Variants in GRIN2B observed in about 807,000 individuals in gnomAD.
The protein encoded by GRIN2B is glutamate receptor ionotropic, NMDA 2B.
GRIN2B carries 5 observed loss-of-function variants against 114.5 expected under a neutral mutation model. The ratio of observed to expected loss-of-function variants is 0.04; its 90% CI spans 0.02 to 0.09. The LOEUF (loss-of-function observed/expected upper bound fraction) is 0.09, where lower values mean the gene tolerates loss of function less well. GRIN2B is among the 10% of genes least tolerant of loss of function. The probability of loss-of-function intolerance (pLI) is 1.00; values close to 1 mark genes in which losing one functional copy is unlikely to be tolerated. For synonymous variants in GRIN2B, 787 were observed against 745.1 expected (o/e 1.06, Z -0.92); for missense variants, 1,108 against 1,943.5 (o/e 0.57, Z 8.08).
intron 2 of GRIN2B, among the ~76,000 whole-genome samples, chr12:13,960,805 T>C (rs984697197): frequency 6.6e-6 from 1 of 152,124 alleles, no homozygotes; most frequent in Non-Finnish European, 1.5e-5. Context: ...CAAAGGCAGT[T>C]GTAGCTGTAA....
chr12:13,571,212 A>G (rs1055230828), intron 11 of GRIN2B, among the ~76,000 whole-genome samples: 31 of 152,170 alleles, frequency 2.0e-4, no homozygotes, highest in Admixed American at 6.5e-5. Context: ...GTTATCCATT[A>G]TCTTCCATAG....
At chr12:13,961,492 C>T (rs1393836023) in intron 2 of GRIN2B, among the ~76,000 whole-genome samples, 1 of 151,996 alleles carries the variant, frequency 6.6e-6, no homozygotes, top group Non-Finnish European at 1.5e-5. Flanking sequence ...TCCATAAATC[C>T]AACATATTAA....
intron 3 of GRIN2B, among the ~76,000 whole-genome samples, chr12:13,770,760 C>A (rs1247186966): frequency 6.6e-6 from 1 of 152,122 alleles, no homozygotes; most frequent in Non-Finnish European, 1.5e-5. Context: ...GAGTGAGAAG[C>A]TGGAAGCCAT....
intron 5 of GRIN2B, among the ~76,000 whole-genome samples, chr12:13,636,703 G>A (rs1263938755): frequency 6.6e-6 from 1 of 152,142 alleles, no homozygotes; most frequent in African/African-American, 2.4e-5. Flanking sequence ...GACAGATCCT[G>A]GGCAGAACAG....
At chr12:13,575,386 CAGTGGCTCACGCCT>C (rs1476076898) in intron 10 of GRIN2B, among the ~76,000 whole-genome samples, 4 of 152,210 alleles carry the variant, frequency 2.6e-5, no homozygotes, top group East Asian at 3.9e-4. Context: ...GGGCCGGGTG[CAGTGGCTCACGCCT>C]GTAATCCCAG....
chr12:13,959,512 CG>C (rs1867653678), intron 2 of GRIN2B, among the ~76,000 whole-genome samples: 1 of 151,980 alleles, frequency 6.6e-6, no homozygotes, highest in African/African-American at 2.4e-5. Flanking sequence ...GAGGTCCAGG[CG>C]GGGGATGCCA....
intron 4 of GRIN2B, among the ~76,000 whole-genome samples, chr12:13,734,970 G>A (rs2136608765): frequency 6.6e-6 from 1 of 152,332 alleles, no homozygotes; most frequent in Non-Finnish European, 1.5e-5. Context: ...ATCACAAGCA[G>A]TGTATGTTGG....
In GRIN2B at chr12:13,678,682, G is replaced by A. The variant is rs540951018; in HGVS notation, c.1011-2823C>T. On this transcript the variant is annotated intron_variant, in intron 4 of 13. Transcript: ENST00000609686. ...TGTTCCTCAGCTCTCAGCCCAGAGC[G>A]GCTCACCCAAGCCCATCATTAGTGT... 2.0e-4 allele frequency among the ~76,000 whole-genome samples: 30 copies of A among 152,118 alleles called. No individual in the cohort carries two copies. In the East Asian group the frequency reaches 3.1e-3, roughly 16 times the overall value.
rs1863535198 is a variant in GRIN2B, at chr12:13,753,968, A to G, written c.412-53T>C. 5.1e-6 allele frequency: 6 copies of G among 1,165,210 alleles called. No individual in the cohort carries two copies. Among genetic ancestry groups the G allele is most frequent in the Non-Finnish European group, 6.4e-6 (5 of 776,812 alleles). 72.2% of individuals were successfully genotyped at this position (1,165,210 alleles called of 1,614,324 possible). A position where few individuals can be genotyped will look rare whatever the true frequency, so the allele number is the denominator to read the frequency against. ...AAGAGAGAAAAAAATCAAACCAAAG[A>G]TGGTAATGGAGATTTTGAACCAAGT... On this transcript the variant is annotated intron_variant, in intron 3 of 13. Transcript: ENST00000609686. The surrounding 1 kb of genome is among the most constrained non-coding windows in gnomAD (Gnocchi z 6.2).
chr12:13,854,401 G>A (rs2136731985), intron 3 of GRIN2B, among the ~76,000 whole-genome samples: 2 of 152,144 alleles, frequency 1.3e-5, no homozygotes, highest in Admixed American at 1.3e-4. Flanking sequence ...TCCCAGCTAT[G>A]AGGGAGGCTG....
At chr12:13,910,881 C>T (rs1438988406) in intron 2 of GRIN2B, among the ~76,000 whole-genome samples, 1 of 152,148 alleles carries the variant, frequency 6.6e-6, no homozygotes, top group Non-Finnish European at 1.5e-5. Context: ...TTCAAGGTTT[C>T]CAAATCTGTC....
chr12:13,961,723 G>C (rs12829455), intron 2 of GRIN2B, among the ~76,000 whole-genome samples: 2 of 151,890 alleles, frequency 1.3e-5, no homozygotes, highest in East Asian at 3.9e-4. Context: ...TTAGAGGGTT[G>C]AGAGCATTTA....
intron 10 of GRIN2B, among the ~76,000 whole-genome samples, chr12:13,579,603 C>T (rs1444367126): frequency 3.3e-5 from 5 of 152,188 alleles, no homozygotes; most frequent in Admixed American, 2.0e-4. Flanking sequence ...TCTTCATCAT[C>T]GCCATTGGAA....
intron 10 of GRIN2B, among the ~76,000 whole-genome samples, chr12:13,586,115 C>T (rs1948921260): frequency 6.6e-6 from 1 of 152,204 alleles, no homozygotes; most frequent in Non-Finnish European, 1.5e-5. Context: ...AAAAAACTTA[C>T]TTTCAACCCT....
At chr12:13,652,997 T>C (rs568317160) in intron 5 of GRIN2B, among the ~76,000 whole-genome samples, 1 of 152,238 alleles carries the variant, frequency 6.6e-6, no homozygotes, top group Admixed American at 6.5e-5. Context: ...TGAATAATTT[T>C]ATGTTTTAGG....
chr12:13,753,199 A>T lies in GRIN2B; in HGVS notation c.1010+118T>A, dbSNP rs992771595. 3.8e-6 allele frequency: 3 copies of T among 791,646 alleles called. No homozygotes were observed. The highest frequency in any genetic ancestry group is 4.6e-6 in the Non-Finnish European group (2 of 438,576). 49.0% of individuals were successfully genotyped at this position (791,646 alleles called of 1,614,324 possible). ...ATGACCAATTGCCATGCCCAAGGCCAGGCTTCAACCTGCTACCGTCTTGAA... is the reference window on the plus strand; with the variant it reads ...ATGACCAATTGCCATGCCCAAGGCCTGGCTTCAACCTGCTACCGTCTTGAA... On this transcript the variant is annotated intron_variant, in intron 4 of 13. Transcript: ENST00000609686. This position sits in a 1 kb window ranked among gnomAD's most constrained non-coding sequence, Gnocchi z 6.2.
intron 12 of GRIN2B, among the ~76,000 whole-genome samples, chr12:13,569,489 T>A (rs1022284836): frequency 6.6e-6 from 1 of 152,056 alleles, no homozygotes; most frequent in African/African-American, 2.4e-5. Flanking sequence ...AGATAAGGAA[T>A]GCCAAAATTA....
At chr12:13,881,051 C>A (rs1166327771) in intron 2 of GRIN2B, among the ~76,000 whole-genome samples, 2 of 152,172 alleles carry the variant, frequency 1.3e-5, no homozygotes, top group African/African-American at 4.8e-5. Flanking sequence ...TGTGCATGCA[C>A]ATGTGCACAC....
At chr12:13,634,634 C>T (rs1949651169) in intron 5 of GRIN2B, among the ~76,000 whole-genome samples, 1 of 152,166 alleles carries the variant, frequency 6.6e-6, no homozygotes, top group African/African-American at 2.4e-5. Context: ...ATCACATGGC[C>T]ACACCTCACC....
Sources: allele counts gnomAD v4.1 joint callset (sites outside exome capture counted in the v4.1 genomes callset), GRCh38; gene constraint gnomAD v4.1.1; non-coding constraint Gnocchi (gnomAD v3.1); transcripts MANE v1.5; gene names NCBI Gene and HGNC (gene_info 2026-07-23, HGNC 2026-07-21).